NRAP: variants seen among roughly 807,000 people sequenced by gnomAD.
NRAP encodes nebulin related anchoring protein, also known as nebulin-related-anchoring protein.
A neutral mutation model predicts 225.9 loss-of-function variants in NRAP; 189 were observed. The observed-to-expected ratio is 0.84, with a 90% CI of 0.74 to 0.94. The LOEUF is 0.94. Ranked by LOEUF, NRAP falls within the 40% of genes least tolerant of loss-of-function variation. NRAP has a pLI of 0.00. For synonymous variants in NRAP, 769 were observed against 790.7 expected, an observed-to-expected ratio of 0.97 and a Z score of 0.46; for missense variants, 2,176 against 2,168.7, an observed-to-expected ratio of 1.00 and a Z score of -0.07.
intron 14 of NRAP, among the ~76,000 whole-genome samples, chr10:113,635,719 C>T (rs1848832639): frequency 6.6e-6 from 1 of 152,240 alleles, no homozygotes; most frequent in Non-Finnish European, 1.5e-5. Flanking sequence ...TGAGCCACCA[C>T]ACCTGGCCCT....
intron 11 of NRAP, 92 bp downstream of exon 11, chr10:113,645,733 C>G: frequency 1.4e-6 from 1 of 698,958 alleles, no homozygotes; most frequent in East Asian, 2.8e-5. Flanking sequence ...ACACTTTTAA[C>G]CAGAGCTTTT....
In NRAP at chr10:113,647,024, A is replaced by G; in HGVS notation, c.892T>C (p.Tyr298His). ...RECADQYGQG[Y>H]PEEYEEHRGK... is the part of the protein sequence containing the mutation. ...CTGTGCTCCTCATACTCCTCCGGGTAACCCTGCCGGGTGCATCAAAAACTT... is the reference window on the plus strand; with the variant it reads ...CTGTGCTCCTCATACTCCTCCGGGTGACCCTGCCGGGTGCATCAAAAACTT... Residue 298 changes from tyrosine to histidine, a missense_variant, in exon 10 of 42, where the codon TAC becomes CAC. Physicochemically the swap from Tyr to His is moderately conservative, Grantham distance 83. Coordinates refer to ENST00000359988, the MANE Select transcript of NRAP (RefSeq NM_198060.4). 6.2e-7 allele frequency: 1 copy of G among 1,612,332 alleles called. No homozygotes were observed. The highest frequency in any genetic ancestry group is 1.1e-5 in the South Asian group (1 of 91,046).
intron 14 of NRAP, among the ~76,000 whole-genome samples, chr10:113,640,008 T>C (rs1455333670): frequency 1.3e-5 from 2 of 152,202 alleles, no homozygotes; most frequent in Non-Finnish European, 1.5e-5. Flanking sequence ...AAGACAAAAC[T>C]AGAGTTGTCC....
chr10:113,597,156 A>G lies in NRAP; in HGVS notation c.4361T>C (p.Ile1454Thr). 1 of 1,613,218 alleles carries G rather than the reference A, an allele frequency of 6.2e-7. No individual in the cohort carries two copies. Among genetic ancestry groups the G allele is most frequent in the Non-Finnish European group, 8.5e-7 (1 of 1,179,170 alleles). Residue 1454 changes from isoleucine (I) to threonine (T), a missense_variant, in exon 37 of 42, where the codon ATC becomes ACC. Transcript: ENST00000359988. ...GGAGTCAACCACTGTGGTGAACTTG[A>G]TACTGTCTGGTTTTTTACGGTACTT... ...ETKYRKKPDS[I>T]KFTTVVDSPD... is the part of the protein sequence containing the mutation.
intron 5 of NRAP, 149 bp from the exon 6 acceptor site, chr10:113,653,188 T>C (rs963565374): frequency 5.3e-6 from 3 of 562,522 alleles, no homozygotes; most frequent in Non-Finnish European, 6.2e-6. Context: ...GGCTTATAAT[T>C]GACCATTTGA....
chr10:113,606,177 C>A lies in NRAP; in HGVS notation c.3807+1G>T. The A allele has an allele frequency of 6.2e-7, 1 of 1,607,986 alleles. No homozygotes were observed. The highest frequency in any genetic ancestry group is 8.5e-7 in the Non-Finnish European group (1 of 1,174,404). ...TGAACTTAAGTAACAAAAGGGCTTACGTCACTCAGGTTGGCTGCATTCGTT... is the reference window on the plus strand; with the variant it reads ...TGAACTTAAGTAACAAAAGGGCTTAAGTCACTCAGGTTGGCTGCATTCGTT... On this transcript the variant is annotated splice_donor_variant, in intron 33 of 41. Coordinates refer to ENST00000359988, the MANE Select transcript of NRAP (RefSeq NM_198060.4). LOFTEE classifies it high-confidence loss of function.
intron 4 of NRAP, among the ~76,000 whole-genome samples, chr10:113,655,468 T>C (rs371006055): frequency 1.5e-3 from 215 of 147,836 alleles, no homozygotes; most frequent in African/African-American, 4.6e-3. Context: ...TTTTTTTTTT[T>C]CCCTTGAGAC....
At chr10:113,617,068 T>C (rs1256414563) in intron 26 of NRAP, among the ~76,000 whole-genome samples, 1 of 152,194 alleles carries the variant, frequency 6.6e-6, no homozygotes, top group Non-Finnish European at 1.5e-5. Context: ...ATTGCTGCCC[T>C]TGGGTCCTAA....
intron 12 of NRAP, among the ~76,000 whole-genome samples, chr10:113,642,158 T>G (rs1371400009): frequency 1.3e-5 from 2 of 152,158 alleles, no homozygotes; most frequent in East Asian, 3.9e-4. Flanking sequence ...ATGATTCTAC[T>G]TATCTGAGTT....
rs914115516 is a variant in NRAP at position 113,624,298 on chromosome 10, A to G, written c.2349+528T>C. ...ATACAGAGAAGGGGAAGTTGGAACT[A>G]TGGATGCTTTCATGACTAACAGCTA... On this transcript the variant is annotated intron_variant, in intron 22 of 41. Transcript: ENST00000359988. Among the ~76,000 whole-genome samples, 6 of 152,190 alleles carry G rather than the reference A, an allele frequency of 3.9e-5. No homozygotes were observed. In the East Asian group the frequency reaches 1.2e-3, roughly 29 times the overall value.
intron 9 of NRAP, 63 bp from the exon 10 acceptor site, chr10:113,647,090 C>G: frequency 1.0e-6 from 1 of 998,524 alleles, no homozygotes; most frequent in South Asian, 1.3e-5. Flanking sequence ...TGGGGTTCAG[C>G]AATGGTCACT....
intron 20 of NRAP, among the ~76,000 whole-genome samples, chr10:113,627,527 T>C (rs998081739): frequency 6.6e-6 from 1 of 152,192 alleles, no homozygotes; most frequent in African/African-American, 2.4e-5. Context: ...CTCTGATTGC[T>C]CCACCTGGAC....
intron 25 of NRAP, among the ~76,000 whole-genome samples, chr10:113,619,061 T>C (rs1273755976): frequency 6.6e-6 from 1 of 152,186 alleles, no homozygotes; most frequent in Non-Finnish European, 1.5e-5. Context: ...CCTTACTTAC[T>C]AAACTTTGAG....
intron 31 of NRAP, among the ~76,000 whole-genome samples, chr10:113,609,865 G>A (rs775860506): frequency 1.4e-4 from 21 of 151,832 alleles, no homozygotes; most frequent in Non-Finnish European, 5.9e-5. Context: ...AGAGAATATC[G>A]CATGGGCCAG....
intron 21 of NRAP, 113 bp downstream of exon 21, chr10:113,625,934 G>C (rs913067358): frequency 1.5e-6 from 1 of 655,702 alleles, no homozygotes; most frequent in Admixed American, 3.3e-5. Context: ...CTATTTAGAG[G>C]GAAGGCTCTT....
At chr10:113,602,918 T>G (rs1343502176) in intron 35 of NRAP, among the ~76,000 whole-genome samples, 2 of 152,072 alleles carry the variant, frequency 1.3e-5, no homozygotes, top group Non-Finnish European at 2.9e-5. Flanking sequence ...TCACACTGGG[T>G]GGTGGGGTGC....
intron 36 of NRAP, 134 bp downstream of exon 36, chr10:113,597,835 A>G: frequency 2.9e-6 from 2 of 701,178 alleles, no homozygotes; most frequent in Non-Finnish European, 5.3e-6. Flanking sequence ...TTGGTTGCAC[A>G]TGGCCCTCCA....
chr10:113,661,974 G>C (rs1457447149), intron 3 of NRAP, among the ~76,000 whole-genome samples: 1 of 152,168 alleles, frequency 6.6e-6, no homozygotes, highest in Admixed American at 6.5e-5. Context: ...TAAGCACCTA[G>C]TATATGCAGA....
chr10:113,639,091 C>CAAAAAAAAAAAAAAAAA (rs60509891), intron 14 of NRAP, among the ~76,000 whole-genome samples: 2 of 115,820 alleles, frequency 1.7e-5, no homozygotes, highest in South Asian at 2.7e-4. Context: ...ATGTATATAG[C>CAAAAAAAAAAAAAAAAA]AAAAAAAAAA....
Sources: gnomAD v4.1 joint callset for allele counts (sites outside exome capture counted in the v4.1 genomes callset) on GRCh38, gnomAD v4.1.1 for gene constraint, MANE v1.5 for transcripts, NCBI Gene and HGNC (gene_info 2026-07-23, HGNC 2026-07-21) for gene names.